Variants in ASCL5 observed in about 807,000 individuals in gnomAD.
ASCL5 encodes the protein achaete-scute family bHLH transcription factor 5.
For missense variants in ASCL5, 262 were observed against 268.9 expected (o/e 0.97, Z 0.18); for synonymous variants, 124 against 131.5 (o/e 0.94, Z 0.39).
rs1018089460 is a variant in ASCL5 at position 201,115,009 on chromosome 1, C to A, written c.364G>T (p.Val122Leu). Reference sequence around the variant, plus strand: ...CGGATGGCGGCGCGCAGCGTCTCCACCTTGCTGAGTCGCTTCTCAGCCAGG... The same window carrying A: ...CGGATGGCGGCGCGCAGCGTCTCCAACTTGCTGAGTCGCTTCTCAGCCAGG... ...GALAEKRLSK[V>L]ETLRAAIRYI... The change falls in exon 2 of 2, where the codon GTG (valine) becomes TTG (leucine). Residue 122 changes from valine (V) to leucine (L), a missense_variant. Coordinates refer to ENST00000449188, the MANE Select transcript of ASCL5 (RefSeq NM_001270601.2). 1 of 1,231,866 alleles carries A rather than the reference C, an allele frequency of 8.1e-7. No individual in the cohort carries two copies. Among genetic ancestry groups the A allele is most frequent in the Non-Finnish European group, 1.0e-6 (1 of 988,104 alleles). The allele number at this position is 1,231,866 out of a possible 1,614,324, so 76.3% of individuals were successfully genotyped here. A position where few individuals can be genotyped will look rare whatever the true frequency, so the allele number is the denominator to read the frequency against.
intron 1 of ASCL5, among the ~76,000 whole-genome samples, chr1:201,120,862 C>A (rs1457877487): frequency 1.3e-5 from 2 of 152,168 alleles, no homozygotes; most frequent in Non-Finnish European, 2.9e-5. Context: ...GAGAGTTGAC[C>A]AGTCCATAAT....
intron 1 of ASCL5, among the ~76,000 whole-genome samples, chr1:201,125,887 T>C (rs946807958): frequency 6.6e-6 from 1 of 152,156 alleles, no homozygotes; most frequent in Non-Finnish European, 1.5e-5. Flanking sequence ...TCACCTTCCT[T>C]TAATGTCTGT....
chr1:201,119,102 G>A (rs16847760), intron 1 of ASCL5, among the ~76,000 whole-genome samples: 1,840 of 152,310 alleles, frequency 0.012, 48 homozygotes, highest in African/African-American at 0.041. Flanking sequence ...ATTCCTGGAG[G>A]GGATGTCCCG....
intron 1 of ASCL5, among the ~76,000 whole-genome samples, chr1:201,116,803 A>G (rs1374619658): frequency 3.3e-5 from 5 of 152,154 alleles, no homozygotes; most frequent in Admixed American, 2.0e-4. Context: ...ACAGTGTTCC[A>G]TAAGTGCCAT....
At chr1:201,117,812 A>G (rs1445263701) in intron 1 of ASCL5, among the ~76,000 whole-genome samples, 1 of 152,244 alleles carries the variant, frequency 6.6e-6, no homozygotes, top group Non-Finnish European at 1.5e-5. Context: ...ACCAGAATGT[A>G]AGCAGTCGGA....
chr1:201,114,763 A>T lies in ASCL5; in HGVS notation c.610T>A (p.Ser204Thr). The change falls in exon 2 of 2, where the codon TCC becomes ACC. Residue 204 changes from serine (S) to threonine (T), a missense_variant. Transcript: ENST00000449188. Reference protein sequence around the residue: ...SPSPFLESEESWH With the variant: ...SPSPFLESEETWH ...GGCCACAGGCCCGATCAATGCCAGG[A>T]TTCCTCCGACTCCAAGAAAGGCGAC... 1 of 1,228,708 alleles carries T rather than the reference A, an allele frequency of 8.1e-7. No homozygotes were observed. Among genetic ancestry groups the T allele is most frequent in the South Asian group, 4.1e-5 (1 of 24,298 alleles). 76.1% of individuals were successfully genotyped at this position (1,228,708 alleles called of 1,614,324 possible).
chr1:201,123,955 A>T (rs1168775054), intron 1 of ASCL5, among the ~76,000 whole-genome samples: 1 of 152,138 alleles, frequency 6.6e-6, no homozygotes, highest in Non-Finnish European at 1.5e-5. Flanking sequence ...CCCTGGCCAA[A>T]ATTGTGACTA....
chr1:201,126,287 G>A (rs1035602156), intron 1 of ASCL5, among the ~76,000 whole-genome samples: 2 of 151,864 alleles, frequency 1.3e-5, no homozygotes, highest in African/African-American at 4.8e-5. Flanking sequence ...CACCATGCTG[G>A]GTTGTTAAAA....
Position 201,114,761 on chromosome 1 carries a change from G to A in ASCL5, c.612C>T (p.Ser204=), listed in dbSNP as rs2102197845. Residue 204 remains serine, a synonymous_variant, in exon 2 of 2, where the codon TCC becomes TCT. Transcript: ENST00000449188. The part of the protein sequence containing the change: ...SPSPFLESEE[S]WH ...GCGGCCACAGGCCCGATCAATGCCA[G>A]GATTCCTCCGACTCCAAGAAAGGCG... 2 of 1,231,206 alleles carry A rather than the reference G, an allele frequency of 1.6e-6. No individual in the cohort carries two copies. Among genetic ancestry groups the A allele is most frequent in the Admixed American group, 4.2e-5 (1 of 23,710 alleles). 76.3% of individuals were successfully genotyped at this position (1,231,206 alleles called of 1,614,324 possible). A position where few individuals can be genotyped will look rare whatever the true frequency, so the allele number is the denominator to read the frequency against.
At chr1:201,122,528 G>C (rs1350278637) in intron 1 of ASCL5, among the ~76,000 whole-genome samples, 2 of 152,162 alleles carry the variant, frequency 1.3e-5, no homozygotes, top group Non-Finnish European at 2.9e-5. Flanking sequence ...GAGGAAACAG[G>C]CTCAGAGAGG....
At chr1:201,116,773 C>T (rs1054990604) in intron 1 of ASCL5, among the ~76,000 whole-genome samples, 1 of 152,162 alleles carries the variant, frequency 6.6e-6, no homozygotes, top group Non-Finnish European at 1.5e-5. Context: ...TGATCGCACT[C>T]CCCCCTCTTG....
At position 201,114,271 on chromosome 1, in the gene ASCL5, T is replaced by C. The variant is rs1462349392; in HGVS notation, c.*481A>G. ...GGGTTCCTTTCTCGAGGAGTAAGCG[T>C]GCTCCCAAAGAAGTCGCTAGTATCT... is the stretch of plus-strand genomic sequence containing the variant. On this transcript the variant is annotated 3_prime_UTR_variant, in exon 2 of 2. Transcript: ENST00000449188. 1 of 153,028 alleles carries C rather than the reference T, an allele frequency of 6.5e-6. No homozygotes were observed. Among genetic ancestry groups the C allele is most frequent in the South Asian group, 2.1e-4 (1 of 4,830 alleles). 9.5% of individuals were successfully genotyped at this position (153,028 alleles called of 1,614,324 possible).
intron 1 of ASCL5, among the ~76,000 whole-genome samples, chr1:201,118,302 A>C (rs1663386655): frequency 6.6e-6 from 1 of 152,158 alleles, no homozygotes; most frequent in Non-Finnish European, 1.5e-5. Flanking sequence ...CAACATGGCA[A>C]AACCCTGTCT....
intron 1 of ASCL5, among the ~76,000 whole-genome samples, chr1:201,119,516 G>T (rs1663409404): frequency 6.6e-6 from 1 of 152,186 alleles, no homozygotes; most frequent in South Asian, 2.1e-4. Context: ...TCCCTTTGGG[G>T]ACTGTGGGTC....
chr1:201,125,740 C>T (rs541287614), intron 1 of ASCL5, among the ~76,000 whole-genome samples: 1 of 152,296 alleles, frequency 6.6e-6, no homozygotes, highest in East Asian at 1.9e-4. Context: ...GCCCCTGACA[C>T]ATAGGAGGTG....
intron 1 of ASCL5, among the ~76,000 whole-genome samples, chr1:201,122,633 C>A (rs776566279): frequency 2.6e-5 from 4 of 152,114 alleles, no homozygotes; most frequent in Non-Finnish European, 5.9e-5. Context: ...GCGGTCCCCA[C>A]CTTTTTTATG....
chr1:201,126,379 G>T (rs1663581340), intron 1 of ASCL5, among the ~76,000 whole-genome samples: 1 of 152,158 alleles, frequency 6.6e-6, no homozygotes, highest in Non-Finnish European at 1.5e-5. Context: ...TGAGATTACA[G>T]GCATGAGCCA....
At chr1:201,124,351 C>A (rs995122142) in intron 1 of ASCL5, among the ~76,000 whole-genome samples, 6 of 152,166 alleles carry the variant, frequency 3.9e-5, no homozygotes, top group Non-Finnish European at 7.3e-5. Flanking sequence ...TGCTGCCTGC[C>A]AGCCTCTGCC....
chr1:201,118,331 A>G (rs1663387299), intron 1 of ASCL5, among the ~76,000 whole-genome samples: 1 of 152,138 alleles, frequency 6.6e-6, no homozygotes, highest in Non-Finnish European at 1.5e-5. Flanking sequence ...AATTAAAAAA[A>G]TTAGCAGGGT....
Sources: gnomAD v4.1 joint callset for allele counts (sites outside exome capture counted in the v4.1 genomes callset) on GRCh38, gnomAD v4.1.1 for gene constraint, MANE v1.5 for transcripts, NCBI Gene and HGNC (gene_info 2026-07-23, HGNC 2026-07-21) for gene names.